The following LMTK2 variants were observed in gnomAD, a reference collection of about 807,000 sequenced individuals.
LMTK2 encodes serine/threonine-protein kinase LMTK2.
Under a neutral mutation model 127.5 loss-of-function variants are expected in LMTK2, and 37 were observed. That is an observed-to-expected ratio of 0.29 (90% CI 0.22 to 0.38). The LOEUF is 0.38. Among genes scored for constraint, LMTK2 ranks in the 10% least tolerant of loss-of-function variants. LMTK2 has a pLI of 1.00. For synonymous variants in LMTK2, 819 were observed against 810.1 expected, an observed-to-expected ratio of 1.01 and a Z score of -0.19; for missense variants, 1,694 against 1,920.3, an observed-to-expected ratio of 0.88 and a Z score of 2.20.
rs1044680494 is a variant in LMTK2, at chr7:98,205,869, A to G, written c.*377A>G. On this transcript the variant is annotated 3_prime_UTR_variant, in exon 14 of 14. Transcript: ENST00000297293. ...GGCGTCTCTGCGTCCACGCCTGCAC[A>G]TCCCGGCGCACGTGTGGGCACCACA... 7.7e-6 allele frequency: 2 copies of G among 259,404 alleles called. No homozygotes were observed. Among genetic ancestry groups the G allele is most frequent in the Non-Finnish European group, 7.5e-6 (1 of 133,094 alleles). The allele number at this position is 259,404 out of a possible 1,614,324, so 16.1% of individuals were successfully genotyped here. A position where few individuals can be genotyped will look rare whatever the true frequency, so the allele number is the denominator to read the frequency against.
Position 98,194,631 on chromosome 7 carries a change from C to A in LMTK2, c.4107+59C>A. 1 of 1,434,368 alleles carries A rather than the reference C, an allele frequency of 7.0e-7. No homozygotes were observed. The highest frequency in any genetic ancestry group is 1.4e-5 in the South Asian group (1 of 73,866). The allele number at this position is 1,434,368 out of a possible 1,614,324, so 88.9% of individuals were successfully genotyped here. ...ATCCATATAAGGATTCCAAAATGTG[C>A]TAGGAAATTGAGTGTGGTCTGTTTT... On this transcript the variant is annotated intron_variant, in intron 11 of 13. Transcript: ENST00000297293. This position sits in a 1 kb window ranked among gnomAD's most constrained non-coding sequence, Gnocchi z 5.4.
intron 11 of LMTK2, among the ~76,000 whole-genome samples, chr7:98,202,873 G>A (rs1193907406): frequency 6.6e-6 from 1 of 152,144 alleles, no homozygotes; most frequent in Non-Finnish European, 1.5e-5. Flanking sequence ...TCTGCTTTCT[G>A]GTCCCCTAGC....
At chr7:98,157,212 A>G (rs1796937087) in intron 5 of LMTK2, among the ~76,000 whole-genome samples, 2 of 151,918 alleles carry the variant, frequency 1.3e-5, no homozygotes, top group South Asian at 4.2e-4. Flanking sequence ...TGATCACACC[A>G]CCGTACTCTA....
intron 1 of LMTK2, among the ~76,000 whole-genome samples, chr7:98,127,754 C>T (rs983992855): frequency 6.6e-6 from 1 of 152,140 alleles, no homozygotes; most frequent in Non-Finnish European, 1.5e-5. Context: ...TGACGGACAC[C>T]CCAAATACCC....
chr7:98,120,811 A>G (rs1796349919), intron 1 of LMTK2, among the ~76,000 whole-genome samples: 1 of 152,138 alleles, frequency 6.6e-6, no homozygotes, highest in South Asian at 2.1e-4. Context: ...ACACCCTGAC[A>G]CTGATTGCTG....
intron 8 of LMTK2, 63 bp downstream of exon 8, chr7:98,185,198 C>T (rs969894030): frequency 9.1e-7 from 1 of 1,100,332 alleles, no homozygotes; most frequent in Non-Finnish European, 1.4e-6. Context: ...TGTAATGTCA[C>T]CAAATGCCCC....
chr7:98,126,918 G>C (rs1411771470), intron 1 of LMTK2, among the ~76,000 whole-genome samples: 6 of 152,154 alleles, frequency 3.9e-5, no homozygotes, highest in Non-Finnish European at 1.5e-5. Context: ...TTCTGGCTTA[G>C]GGTCTTTGTG....
At position 98,209,515 on chromosome 7, in the gene LMTK2, T is replaced by C. The variant is rs778004373; in HGVS notation, c.*4023T>C. 5 of 152,252 alleles carry C rather than the reference T, an allele frequency of 3.3e-5. No individual in the cohort carries two copies. Among genetic ancestry groups the C allele is most frequent in the Non-Finnish European group, 5.9e-5 (4 of 68,044 alleles). The allele number at this position is 152,252 out of a possible 1,614,324, so 9.4% of individuals were successfully genotyped here. On this transcript the variant is annotated 3_prime_UTR_variant, in exon 14 of 14. Transcript: ENST00000297293. ...GTCAATGAACTTTCAGTTTAAATTGTGTACATTTTTAAATTGTAAGATTTT... is the reference window on the plus strand; with the variant it reads ...GTCAATGAACTTTCAGTTTAAATTGCGTACATTTTTAAATTGTAAGATTTT...
At chr7:98,167,946 A>G (rs561957581) in intron 6 of LMTK2, among the ~76,000 whole-genome samples, 67 of 152,274 alleles carry the variant, frequency 4.4e-4, no homozygotes, top group African/African-American at 1.5e-3. Context: ...TTAAGCAAGG[A>G]AAGAACGGGC....
At chr7:98,183,886 C>T (rs373000535) in intron 7 of LMTK2, among the ~76,000 whole-genome samples, 1 of 152,186 alleles carries the variant, frequency 6.6e-6, no homozygotes, top group South Asian at 2.1e-4. Context: ...ATCGGAAAAT[C>T]TTTGAATCCA....
chr7:98,166,799 CTG>C (rs923618053), intron 6 of LMTK2, among the ~76,000 whole-genome samples: 2 of 152,214 alleles, frequency 1.3e-5, no homozygotes, highest in South Asian at 2.1e-4. Flanking sequence ...TAAGTATACT[CTG>C]TGATGTTTGC....
intron 9 of LMTK2, 96 bp from the exon 10 acceptor site, chr7:98,190,632 C>A: frequency 4.5e-6 from 5 of 1,117,358 alleles, no homozygotes; most frequent in Non-Finnish European, 5.4e-6. Context: ...TCAATACACA[C>A]CTTGTCCTTA....
rs190164036 is a variant in LMTK2, at chr7:98,199,714, C to T, written c.4108-3860C>T. 2.1e-3 allele frequency among the ~76,000 whole-genome samples: 325 copies of T among 152,268 alleles called. 3 individuals are homozygous for T. The highest frequency in any genetic ancestry group is 7.3e-3 in the African/African-American group (305 of 41,542). On this transcript the variant is annotated intron_variant, in intron 11 of 13. Coordinates refer to ENST00000297293, the MANE Select transcript of LMTK2 (RefSeq NM_014916.4). ...TTCACCATGTTGGCCAGGCTGGTCT[C>T]GAACTCCTGAGCTCAAGCAATCCGC...
At chr7:98,201,822 C>T (rs2116481311) in intron 11 of LMTK2, among the ~76,000 whole-genome samples, 1 of 152,232 alleles carries the variant, frequency 6.6e-6, no homozygotes, top group East Asian at 1.9e-4. Context: ...GTTGCCCAGG[C>T]TGGTTTTGAA....
intron 6 of LMTK2, among the ~76,000 whole-genome samples, chr7:98,166,963 T>A (rs1797110662): frequency 6.6e-6 from 1 of 152,240 alleles, no homozygotes; most frequent in Admixed American, 6.5e-5. Flanking sequence ...TCAAAGAGAA[T>A]CAGATTTTAC....
At chr7:98,112,482 A>G (rs1055035457) in intron 1 of LMTK2, among the ~76,000 whole-genome samples, 1 of 152,244 alleles carries the variant, frequency 6.6e-6, no homozygotes, top group Non-Finnish European at 1.5e-5. Flanking sequence ...ACGTTTTAGA[A>G]CGAAAGCTTC....
intron 2 of LMTK2, 26 bp downstream of exon 2, chr7:98,137,468 A>C: frequency 6.3e-7 from 1 of 1,596,262 alleles, no homozygotes; most frequent in Non-Finnish European, 8.5e-7. Flanking sequence ...AGGAACATTT[A>C]AAATGGTCTT....
At chr7:98,166,477 T>C (rs990021599) in intron 6 of LMTK2, among the ~76,000 whole-genome samples, 1 of 152,244 alleles carries the variant, frequency 6.6e-6, no homozygotes, top group African/African-American at 2.4e-5. Flanking sequence ...AACTGTGCAA[T>C]GTGTTTTTGT....
chr7:98,184,531 C>T (rs1389855656), intron 7 of LMTK2, among the ~76,000 whole-genome samples: 1 of 151,800 alleles, frequency 6.6e-6, no homozygotes, highest in Non-Finnish European at 1.5e-5. Context: ...AAAGCCTCCA[C>T]TTAGAGTGTT....
Sources: allele counts gnomAD v4.1 joint callset (sites outside exome capture counted in the v4.1 genomes callset), GRCh38; gene constraint gnomAD v4.1.1; non-coding constraint Gnocchi (gnomAD v3.1); transcripts MANE v1.5; gene names NCBI Gene and HGNC (gene_info 2026-07-23, HGNC 2026-07-21).